FBXL17: variants seen among roughly 807,000 people sequenced by gnomAD.
FBXL17 encodes F-box and leucine rich repeat protein 17.
In FBXL17, 22 loss-of-function variants were observed where a neutral mutation model predicts 66.2. That is an observed-to-expected ratio of 0.33 (90% CI 0.24 to 0.47). The LOEUF is 0.47. FBXL17 is among the 20% of genes least tolerant of loss of function. The probability of loss-of-function intolerance (pLI) is 1.00; values close to 1 mark genes in which losing one functional copy is unlikely to be tolerated. For synonymous variants in FBXL17, 474 were observed against 400.5 expected (o/e 1.18, Z -2.19); for missense variants, 878 against 948.2 (o/e 0.93, Z 0.97).
intron 1 of FBXL17, among the ~76,000 whole-genome samples, chr5:108,378,671 A>G (rs1749619786): frequency 6.6e-6 from 1 of 152,172 alleles, no homozygotes; most frequent in South Asian, 2.1e-4. Flanking sequence ...TTCCTTAGAA[A>G]TATCTCTTCG....
intron 4 of FBXL17, among the ~76,000 whole-genome samples, chr5:108,283,123 G>C (rs1010674923): frequency 4.6e-5 from 7 of 151,604 alleles, no homozygotes; most frequent in African/African-American, 1.7e-4. Flanking sequence ...AATTACCAAT[G>C]TCATTTTTTA....
At chr5:108,210,991 C>T (rs978759299) in intron 5 of FBXL17, among the ~76,000 whole-genome samples, 14 of 152,120 alleles carry the variant, frequency 9.2e-5, no homozygotes, top group Admixed American at 8.5e-4. Context: ...AATCTAGGTG[C>T]TCCTGTATTG....
At chr5:108,210,678 C>A (rs1368175885) in intron 5 of FBXL17, among the ~76,000 whole-genome samples, 3 of 151,992 alleles carry the variant, frequency 2.0e-5, no homozygotes, top group Admixed American at 1.3e-4. Context: ...GTGAGAGACT[C>A]TTTGTTATGA....
intron 4 of FBXL17, among the ~76,000 whole-genome samples, chr5:108,312,364 T>A (rs992557701): frequency 6.6e-6 from 1 of 152,074 alleles, no homozygotes; most frequent in African/African-American, 2.4e-5. Context: ...TAAAAAAAAA[T>A]GAATCTCTTT....
At position 108,264,214 on chromosome 5, in the gene FBXL17, CAAAAA is replaced by C. The variant is rs35346820; in HGVS notation, c.1507-39991_1507-39987del. Among the ~76,000 whole-genome samples the C allele has an allele frequency of 9.0e-5, 5 of 55,506 alleles. No individual in the cohort carries two copies. The South Asian group carries it at 3.5e-3, about 39-fold the overall frequency. The allele number at this position is 55,506 out of a possible 152,430, so 36.4% of individuals were successfully genotyped here. On this transcript the variant is annotated intron_variant, in intron 4 of 8. Coordinates refer to ENST00000542267, the MANE Select transcript of FBXL17 (RefSeq NM_001163315.3). ...TGGGCGACAGAGTGAGACTCTTTCT[CAAAAA>C]AAAAAAAAAAAAAAAAAAAAAATCT...
intron 4 of FBXL17, among the ~76,000 whole-genome samples, chr5:108,331,001 C>T (rs546484220): frequency 2.0e-5 from 3 of 152,096 alleles, no homozygotes; most frequent in Non-Finnish European, 2.9e-5. Context: ...TGCAATGAGC[C>T]GAGACTGCGC....
intron 3 of FBXL17, among the ~76,000 whole-genome samples, chr5:108,351,316 C>T (rs532008683): frequency 3.9e-5 from 6 of 152,164 alleles, no homozygotes; most frequent in African/African-American, 1.4e-4. Context: ...ATCTTTGATA[C>T]AAGGAATCAG....
chr5:108,042,236 T>A (rs1747077424), intron 6 of FBXL17, among the ~76,000 whole-genome samples: 1 of 152,292 alleles, frequency 6.6e-6, no homozygotes, highest in Non-Finnish European at 1.5e-5. Context: ...GAACTGTAGA[T>A]TCACATGTAG....
At chr5:108,375,392 C>A (rs926101682) in intron 1 of FBXL17, among the ~76,000 whole-genome samples, 2 of 147,888 alleles carry the variant, frequency 1.4e-5, no homozygotes, top group African/African-American at 5.0e-5. Context: ...CACACACACA[C>A]ACAAAATTGG....
chr5:108,261,407 A>G (rs1022800592), intron 4 of FBXL17, among the ~76,000 whole-genome samples: 6 of 152,184 alleles, frequency 3.9e-5, no homozygotes, highest in Non-Finnish European at 5.9e-5. Flanking sequence ...GGGTATGGTT[A>G]AATTTTAGAA....
At chr5:108,169,720 A>T (rs778898393) in intron 6 of FBXL17, among the ~76,000 whole-genome samples, 4 of 152,052 alleles carry the variant, frequency 2.6e-5, no homozygotes, top group Non-Finnish European at 4.4e-5. Flanking sequence ...GGCCGTGTCT[A>T]CCCCCAATAA....
Position 108,063,359 on chromosome 5 carries a change from T to A in FBXL17, c.1746-42358A>T, listed in dbSNP as rs112890496. On this transcript the variant is annotated intron_variant, in intron 6 of 8. Transcript: ENST00000542267. ...CTTACAGAGAAGCCAATAACTAACC[T>A]TGTCAACTATCCAAGGATTTGGTCT... Among the ~76,000 whole-genome samples, 8 of 152,324 alleles carry A rather than the reference T, an allele frequency of 5.3e-5. 2 individuals carry two copies. The highest frequency in any genetic ancestry group is 1.9e-4 in the African/African-American group (8 of 41,572).
chr5:107,934,246 G>T (rs1357059145), intron 7 of FBXL17, among the ~76,000 whole-genome samples: 16 of 151,982 alleles, frequency 1.1e-4, no homozygotes. Context: ...TCTCAAAAAT[G>T]GCATATTTAA....
At position 107,950,397 on chromosome 5, in the gene FBXL17, CTG is replaced by C. The variant is rs555921230; in HGVS notation, c.1823-69220_1823-69219del. Among the ~76,000 whole-genome samples, 285 of 152,228 alleles carry C rather than the reference CTG, an allele frequency of 1.9e-3. 1 individual carries two copies. The highest frequency in any genetic ancestry group is 6.8e-3 in the Middle Eastern group (2 of 294). On this transcript the variant is annotated intron_variant, in intron 7 of 8. Coordinates refer to ENST00000542267, the MANE Select transcript of FBXL17 (RefSeq NM_001163315.3). Reference sequence around the variant, plus strand: ...AAAGTTTAATTGGAAGTTATTAACACTGTGAATATTCTGAATATAGAATAATC... The same window carrying C: ...AAAGTTTAATTGGAAGTTATTAACACTGAATATTCTGAATATAGAATAATC...
intron 4 of FBXL17, among the ~76,000 whole-genome samples, chr5:108,225,114 T>A (rs78558215): frequency 0.012 from 1,754 of 152,242 alleles, 15 homozygotes; most frequent in Non-Finnish European, 0.017. Flanking sequence ...CCTCCAAGCC[T>A]GGCAATCTAC....
At position 108,380,802 on chromosome 5, in the gene FBXL17, T is replaced by C; in HGVS notation, c.890A>G (p.Asp297Gly). 10 of 1,247,920 alleles carry C rather than the reference T, an allele frequency of 8.0e-6. No individual in the cohort carries two copies. The highest frequency in any genetic ancestry group is 1.0e-5 in the Non-Finnish European group (10 of 988,054). The allele number at this position is 1,247,920 out of a possible 1,614,324, so 77.3% of individuals were successfully genotyped here. The change falls in exon 1 of 9, where the codon GAC becomes GGC. Residue 297 changes from aspartate to glycine, a missense_variant. Around this residue, in one of 4 missense-constraint regions of FBXL17, gnomAD observed 605 missense variants for 509.5 expected, o/e 1.19. Coordinates refer to ENST00000542267, the MANE Select transcript of FBXL17 (RefSeq NM_001163315.3). Reference sequence around the variant, plus strand: ...TTCGGGGGACTCCCGACAGTCCGCGTCGCCACATTCATGCTGCTGCTGGGC... The same window carrying C: ...TTCGGGGGACTCCCGACAGTCCGCGCCGCCACATTCATGCTGCTGCTGGGC... ...LSAQQQHECG[D>G]ADCRESPENP...
chr5:108,137,181 T>C (rs967278345), intron 6 of FBXL17, among the ~76,000 whole-genome samples: 2 of 152,160 alleles, frequency 1.3e-5, no homozygotes, highest in African/African-American at 4.8e-5. Context: ...TCTTGAAATG[T>C]CTTTGGCATT....
intron 8 of FBXL17, among the ~76,000 whole-genome samples, chr5:107,865,822 T>C (rs948358939): frequency 1.3e-5 from 2 of 152,206 alleles, no homozygotes; most frequent in African/African-American, 2.4e-5. Context: ...TGACAAATAT[T>C]ATACTACAGT....
In FBXL17 at chr5:108,381,209, C is replaced by G; in HGVS notation, c.483G>C (p.Leu161=). ...AWEQQGRSLF[L]ASLGPVRFLG... ...GGAAGCGCACCGGCCCCAAGCTGGC[C>G]AGGAAGAGACTTCGGCCCTGCTGCT... Residue 161 remains leucine (L), a synonymous_variant, in exon 1 of 9, where the codon CTG becomes CTC. Transcript: ENST00000542267. 6.9e-7 allele frequency: 1 copy of G among 1,446,210 alleles called. No homozygotes were observed. Among genetic ancestry groups the G allele is most frequent in the Non-Finnish European group, 9.1e-7 (1 of 1,101,238 alleles). 89.6% of individuals were successfully genotyped at this position (1,446,210 alleles called of 1,614,324 possible).
Sources: allele counts gnomAD v4.1 joint callset (sites outside exome capture counted in the v4.1 genomes callset), GRCh38; gene constraint gnomAD v4.1.1; regional missense constraint gnomAD v4.1.1; transcripts MANE v1.5; gene names NCBI Gene and HGNC (gene_info 2026-07-23, HGNC 2026-07-21).